Variants in PCDH11X observed in about 807,000 individuals in gnomAD.
The protein encoded by PCDH11X is protocadherin 11 X-linked.
PCDH11X carries 18 observed loss-of-function variants against 53.3 expected under a neutral mutation model. That is an observed-to-expected ratio of 0.34 (90% CI 0.23 to 0.50). PCDH11X has a LOEUF of 0.50. PCDH11X is among the 20% of genes least tolerant of loss of function. The pLI is 0.98. For missense variants in PCDH11X, 570 were observed against 1,032.4 expected, an observed-to-expected ratio of 0.55 and a Z score of 6.14; for synonymous variants, 279 against 393.3, an observed-to-expected ratio of 0.71 and a Z score of 3.44.
At chrX:92,566,585 T>G (rs1421207411) in intron 10 of PCDH11X, among the ~76,000 whole-genome samples, 1 of 99,019 alleles carries the variant, frequency 1.0e-5, no homozygotes, top group Non-Finnish European at 2.0e-5. Context: ...AAAATATACT[T>G]TATTACCCAG....
intron 8 of PCDH11X, among the ~76,000 whole-genome samples, chrX:92,267,845 A>G (rs1315485256): frequency 8.9e-6 from 1 of 112,210 alleles, no homozygotes; most frequent in East Asian, 2.8e-4. Context: ...GCATCATAAC[A>G]TGGTGGAAGG....
intron 7 of PCDH11X, among the ~76,000 whole-genome samples, chrX:92,252,170 A>T (rs1034368728): frequency 9.0e-6 from 1 of 111,292 alleles, no homozygotes; most frequent in South Asian, 3.7e-4. Flanking sequence ...TCTGAAATAG[A>T]ATGTCTACCA....
chrX:92,054,784 C>A (rs1176110550), intron 6 of PCDH11X, among the ~76,000 whole-genome samples: 1 of 89,773 alleles, frequency 1.1e-5, no homozygotes, highest in Non-Finnish European at 2.1e-5. Context: ...CGTGCCATTG[C>A]ACTCCAGCCT....
intron 5 of PCDH11X, among the ~76,000 whole-genome samples, chrX:91,866,611 G>C (rs1391684027): frequency 1.8e-5 from 2 of 111,317 alleles, no homozygotes; most frequent in Non-Finnish European, 3.8e-5. Context: ...GCAGTTGGGG[G>C]AGGAGAAGTG....
chrX:92,088,411 A>G (rs185927990), intron 6 of PCDH11X, among the ~76,000 whole-genome samples: 1 of 110,799 alleles, frequency 9.0e-6, no homozygotes, highest in Non-Finnish European at 1.9e-5. Flanking sequence ...TGGTCCATGT[A>G]TCCATGTCCT....
chrX:92,345,450 G>T (rs1286281207), intron 8 of PCDH11X, among the ~76,000 whole-genome samples: 1 of 109,621 alleles, frequency 9.1e-6, no homozygotes, highest in African/African-American at 3.3e-5. Context: ...CTTAGAATAT[G>T]AAGCTTTATA....
Position 92,065,399 on chromosome X carries a change from T to C in PCDH11X, c.3034-135976T>C, listed in dbSNP as rs184537115. 3.4e-3 allele frequency among the ~76,000 whole-genome samples: 379 copies of C among 111,502 alleles called. 3 individuals are homozygous for C. Among genetic ancestry groups the C allele is most frequent in the Non-Finnish European group, 5.7e-3 (303 of 53,115 alleles). ...ATACCCAACAGTAAGATTGCTGGAT[T>C]GTATGGTAACTTTATTTTTAGTTTT... is the stretch of plus-strand genomic sequence containing the variant. On this transcript the variant is annotated intron_variant, in intron 6 of 10. Coordinates refer to ENST00000682573, the MANE Select transcript of PCDH11X (RefSeq NM_032968.5).
chrX:92,048,237 T>C, intron 6 of PCDH11X, among the ~76,000 whole-genome samples: 1 of 88,097 alleles, frequency 1.1e-5, no homozygotes, highest in Admixed American at 1.3e-4. Context: ...AGCTTTTCTT[T>C]TGAAAAAAAA....
chrX:92,037,031 A>ATTTAT (rs1428811122), intron 6 of PCDH11X, among the ~76,000 whole-genome samples: 4 of 111,515 alleles, frequency 3.6e-5, no homozygotes, highest in African/African-American at 1.3e-4. Context: ...GGTGGAAGAG[A>ATTTAT]TTTATTTTAT....
chrX:91,944,625 T>C (rs1280575898), intron 6 of PCDH11X, among the ~76,000 whole-genome samples: 1 of 109,319 alleles, frequency 9.1e-6, no homozygotes, highest in Non-Finnish European at 1.9e-5. Context: ...AATATTCTTA[T>C]AGGACACAAA....
At chrX:91,935,206 T>C (rs1470286272) in intron 6 of PCDH11X, among the ~76,000 whole-genome samples, 1 of 109,905 alleles carries the variant, frequency 9.1e-6, no homozygotes. Flanking sequence ...AAAAGCATTG[T>C]TTAAAAAGGA....
chrX:91,976,465 G>A (rs111470779), intron 6 of PCDH11X, among the ~76,000 whole-genome samples: 2,063 of 111,619 alleles, frequency 0.018, 35 homozygotes, highest in African/African-American at 0.062. Context: ...CTTCTATAAG[G>A]GTATTGAATG....
chrX:92,175,625 C>T (rs990022975), intron 6 of PCDH11X, among the ~76,000 whole-genome samples: 21 of 108,773 alleles, frequency 1.9e-4, no homozygotes, highest in African/African-American at 6.3e-4. Flanking sequence ...ATCTATGTAT[C>T]TATCTATACA....
intron 5 of PCDH11X, among the ~76,000 whole-genome samples, chrX:91,851,222 A>T (rs2147659661): frequency 8.9e-6 from 1 of 111,933 alleles, no homozygotes; most frequent in African/African-American, 3.2e-5. Context: ...AATGCATGAA[A>T]TTATAAAAAT....
chrX:92,550,137 ACT>A (rs1338109058), intron 10 of PCDH11X, among the ~76,000 whole-genome samples: 1 of 110,159 alleles, frequency 9.1e-6, no homozygotes, highest in Admixed American at 9.7e-5. Context: ...CCGCAATTCT[ACT>A]CTCTACTTAC....
chrX:92,451,669 A>C (rs991436461), intron 9 of PCDH11X, among the ~76,000 whole-genome samples: 1 of 112,006 alleles, frequency 8.9e-6, no homozygotes, highest in Non-Finnish European at 1.9e-5. Context: ...AAAAGACTTC[A>C]TGATAAGAAA....
At chrX:92,062,873 T>C (rs1412405460) in intron 6 of PCDH11X, among the ~76,000 whole-genome samples, 2 of 111,379 alleles carry the variant, frequency 1.8e-5, no homozygotes, top group African/African-American at 6.5e-5. Flanking sequence ...TATAAATCAT[T>C]CTACTAAAAA....
At chrX:92,228,198 T>A (rs2067004705) in intron 7 of PCDH11X, among the ~76,000 whole-genome samples, 1 of 111,765 alleles carries the variant, frequency 8.9e-6, no homozygotes. Flanking sequence ...ACAGATTGTA[T>A]TCTATTACGC....
At chrX:92,384,108 C>T (rs36159236) in intron 8 of PCDH11X, among the ~76,000 whole-genome samples, 16 of 111,661 alleles carry the variant, frequency 1.4e-4, no homozygotes, top group African/African-American at 2.0e-4. Flanking sequence ...GTTTGCTGGC[C>T]GCATAAATGT....
Sources: allele counts gnomAD v4.1 joint callset (sites outside exome capture counted in the v4.1 genomes callset), GRCh38; gene constraint gnomAD v4.1.1; transcripts MANE v1.5; gene names NCBI Gene and HGNC (gene_info 2026-07-23, HGNC 2026-07-21).